The following CNIH3 variants were observed in gnomAD, a reference collection of about 807,000 sequenced individuals.
The protein encoded by CNIH3 is cornichon family AMPA receptor auxiliary protein 3.
A neutral mutation model predicts 24.1 loss-of-function variants in CNIH3; 14 were observed. The ratio of observed to expected loss-of-function variants is 0.58; its 90% CI spans 0.38 to 0.91. The LOEUF (loss-of-function observed/expected upper bound fraction) is 0.91. Ranked by LOEUF, CNIH3 falls within the 40% of genes least tolerant of loss-of-function variation. The pLI is 0.00. For missense variants in CNIH3, 178 were observed against 196.8 expected, an observed-to-expected ratio of 0.90 and a Z score of 0.57; for synonymous variants, 68 against 73.8, an observed-to-expected ratio of 0.92 and a Z score of 0.40.
chr1:224,443,178 C>A (rs1674993075), intron 1 of CNIH3, among the ~76,000 whole-genome samples: 1 of 152,164 alleles, frequency 6.6e-6, no homozygotes, highest in Middle Eastern at 3.2e-3. Flanking sequence ...AACACTTCAT[C>A]TTGAAATGGC....
chr1:224,721,374 G>A (rs968752276), intron 3 of CNIH3, among the ~76,000 whole-genome samples: 1 of 152,248 alleles, frequency 6.6e-6, no homozygotes, highest in South Asian at 2.1e-4. Flanking sequence ...GTCTGGGCAT[G>A]ATTTCTACTC....
intron 1 of CNIH3, among the ~76,000 whole-genome samples, chr1:224,617,760 G>A (rs1003855253): frequency 1.3e-5 from 2 of 152,208 alleles, no homozygotes; most frequent in African/African-American, 2.4e-5. Flanking sequence ...GGAGAGGAAG[G>A]AGACCAGGCG....
chr1:224,456,847 C>T (rs10799576), intron 1 of CNIH3, among the ~76,000 whole-genome samples: 26,865 of 152,234 alleles, frequency 0.18, 3,167 homozygotes, highest in East Asian at 0.49. Flanking sequence ...CTCTCCTGGT[C>T]TGCCAGTGCA....
intron 3 of CNIH3, among the ~76,000 whole-genome samples, chr1:224,602,806 AC>A (rs992370352): frequency 6.6e-6 from 1 of 152,238 alleles, no homozygotes; most frequent in African/African-American, 2.4e-5. Flanking sequence ...AGAGGTGGCA[AC>A]TTCGGGAAAG....
chr1:224,462,637 A>ATTTTT (rs34550181), intron 1 of CNIH3, among the ~76,000 whole-genome samples: 3 of 119,424 alleles, frequency 2.5e-5, no homozygotes, highest in Non-Finnish European at 5.0e-5. Context: ...TCTGGACCCA[A>ATTTTT]TTTTTTTTTT....
intron 2 of CNIH3, among the ~76,000 whole-genome samples, chr1:224,522,031 C>T (rs940593232): frequency 3.3e-5 from 5 of 152,206 alleles, no homozygotes; most frequent in African/African-American, 7.2e-5. Flanking sequence ...TGTTATGCTC[C>T]GATAAAGCAT....
At chr1:224,705,982 C>CG (rs1687785476) in intron 3 of CNIH3, among the ~76,000 whole-genome samples, 1 of 151,658 alleles carries the variant, frequency 6.6e-6, no homozygotes, top group Non-Finnish European at 1.5e-5. Context: ...GCTCCCCTAG[C>CG]ACCCCAGGCT....
chr1:224,620,934 A>G (rs1683250079), intron 1 of CNIH3, among the ~76,000 whole-genome samples: 1 of 152,212 alleles, frequency 6.6e-6, no homozygotes, highest in African/African-American at 2.4e-5. Context: ...TATAAAATGA[A>G]TGGTGTTTAC....
intron 1 of CNIH3, among the ~76,000 whole-genome samples, chr1:224,632,392 A>G (rs1683866021): frequency 1.3e-5 from 2 of 152,098 alleles, no homozygotes; most frequent in Admixed American, 1.3e-4. Flanking sequence ...CTCTGTGGTC[A>G]TTGGGAATTG....
At chr1:224,665,681 A>G (rs137968780) in intron 1 of CNIH3, among the ~76,000 whole-genome samples, 1 of 152,340 alleles carries the variant, frequency 6.6e-6, no homozygotes, top group East Asian at 1.9e-4. Flanking sequence ...CTCACTTATG[A>G]GATCAAAGCT....
chr1:224,684,701 G>C lies in CNIH3; in HGVS notation c.151-95G>C. On this transcript the variant is annotated intron_variant, in intron 2 of 5. Transcript: ENST00000272133. This position sits in a 1 kb window ranked among gnomAD's most constrained non-coding sequence, Gnocchi z 4.2. The stretch of plus-strand genomic sequence containing the variant: ...CCAGGAGGGGTCTCTGGTGGCTTCT[G>C]CCTCCACTATTGGGGCTGATTGCGG... 8.9e-7 allele frequency: 1 copy of C among 1,127,104 alleles called. No individual in the cohort carries two copies. The highest frequency in any genetic ancestry group is 1.4e-6 in the Non-Finnish European group (1 of 738,824). The allele number at this position is 1,127,104 out of a possible 1,614,324, so 69.8% of individuals were successfully genotyped here. A position where few individuals can be genotyped will look rare whatever the true frequency, so the allele number is the denominator to read the frequency against.
At chr1:224,670,820 G>A (rs1366881415) in intron 1 of CNIH3, among the ~76,000 whole-genome samples, 1 of 152,232 alleles carries the variant, frequency 6.6e-6, no homozygotes, top group African/African-American at 2.4e-5. Context: ...AGTATTGGGG[G>A]TTTGTGGTGG....
chr1:224,533,386 T>TAAA (rs1679155712), intron 2 of CNIH3, among the ~76,000 whole-genome samples: 1 of 108,004 alleles, frequency 9.3e-6, no homozygotes, highest in African/African-American at 4.5e-5. Context: ...AGAACCCGTC[T>TAAA]CAAAAAAAAA....
intron 1 of CNIH3, among the ~76,000 whole-genome samples, chr1:224,482,133 C>A (rs1013258350): frequency 1.3e-5 from 2 of 152,196 alleles, no homozygotes; most frequent in Non-Finnish European, 2.9e-5. Context: ...CCCTTCAGGG[C>A]AGTGGGTTCC....
rs1202242953 is a variant in CNIH3 at position 224,704,975 on chromosome 1, G to C, written c.198+20132G>C. Among the ~76,000 whole-genome samples the C allele has an allele frequency of 3.9e-5, 6 of 152,084 alleles. No homozygotes were observed. Among genetic ancestry groups the C allele is most frequent in the Non-Finnish European group, 7.4e-5 (5 of 68,018 alleles). On this transcript the variant is annotated intron_variant, in intron 3 of 5. Coordinates refer to ENST00000272133, the MANE Select transcript of CNIH3 (RefSeq NM_152495.2). The surrounding 1 kb of genome is among the most constrained non-coding windows in gnomAD (Gnocchi z 4.2). ...AAAATACAAAAATTAGCTGGGCATGGTGGCAGACTACAGTAGGCTGTAGTC... is the reference window on the plus strand; with the variant it reads ...AAAATACAAAAATTAGCTGGGCATGCTGGCAGACTACAGTAGGCTGTAGTC...
At chr1:224,679,031 A>G (rs183770548) in intron 1 of CNIH3, among the ~76,000 whole-genome samples, 2 of 152,342 alleles carry the variant, frequency 1.3e-5, no homozygotes, top group East Asian at 3.9e-4. Context: ...CTATATTCCA[A>G]TAAACCTTTA....
intron 1 of CNIH3, among the ~76,000 whole-genome samples, chr1:224,676,421 A>G (rs747876691): frequency 2.0e-5 from 3 of 152,048 alleles, no homozygotes; most frequent in Non-Finnish European, 4.4e-5. Flanking sequence ...TTGATTTTGG[A>G]GGTGATCACA....
At chr1:224,487,565 T>TA (rs1005978467) in intron 1 of CNIH3, among the ~76,000 whole-genome samples, 3 of 152,348 alleles carry the variant, frequency 2.0e-5, no homozygotes, top group African/African-American at 7.2e-5. Context: ...ATGTCATAGT[T>TA]ACAGCTATCA....
At chr1:224,641,970 C>A (rs1396046681) in intron 1 of CNIH3, among the ~76,000 whole-genome samples, 2 of 152,234 alleles carry the variant, frequency 1.3e-5, no homozygotes. Context: ...TCAGCATGTG[C>A]ATGTGAATCA....
Sources: allele counts gnomAD v4.1 joint callset (sites outside exome capture counted in the v4.1 genomes callset), GRCh38; gene constraint gnomAD v4.1.1; non-coding constraint Gnocchi (gnomAD v3.1); transcripts MANE v1.5; gene names NCBI Gene and HGNC (gene_info 2026-07-23, HGNC 2026-07-21).